Variants in EXOC4 observed in about 807,000 individuals in gnomAD.
The protein encoded by EXOC4 is exocyst complex component 4, also known as SEC8-like 1.
Under a neutral mutation model 107.2 loss-of-function variants are expected in EXOC4, and 71 were observed. The ratio of observed to expected loss-of-function variants is 0.66; its 90% CI spans 0.55 to 0.81. The LOEUF (loss-of-function observed/expected upper bound fraction) is 0.81, where lower values mean the gene tolerates loss of function less well. Ranked by LOEUF, EXOC4 falls within the 30% of genes least tolerant of loss-of-function variation. EXOC4 has a pLI of 0.00. For synonymous variants in EXOC4, 456 were observed against 441.2 expected (o/e 1.03, Z -0.42); for missense variants, 1,108 against 1,189.6 (o/e 0.93, Z 1.01).
chr7:133,355,080 T>A (rs971445111), intron 5 of EXOC4, among the ~76,000 whole-genome samples: 3 of 152,172 alleles, frequency 2.0e-5, no homozygotes, highest in Admixed American at 6.6e-5. Context: ...TTATGGACTT[T>A]GTGTAGCAGT....
chr7:133,641,556 T>C (rs1290571744), intron 10 of EXOC4, among the ~76,000 whole-genome samples: 1 of 152,172 alleles, frequency 6.6e-6, no homozygotes, highest in East Asian at 1.9e-4. Flanking sequence ...AGCCACTTTG[T>C]TTTTGAAGTT....
intron 10 of EXOC4, among the ~76,000 whole-genome samples, chr7:133,709,028 A>G (rs977259439): frequency 6.6e-6 from 1 of 152,150 alleles, no homozygotes; most frequent in Non-Finnish European, 1.5e-5. Flanking sequence ...AGGCTTGGTT[A>G]TGTCTTCAAA....
At chr7:133,449,563 T>C (rs1798293021) in intron 7 of EXOC4, among the ~76,000 whole-genome samples, 1 of 152,208 alleles carries the variant, frequency 6.6e-6, no homozygotes, top group Non-Finnish European at 1.5e-5. Context: ...CATTTAGTGT[T>C]ACAGGAAGTA....
At chr7:134,036,799 A>G (rs1795400720) in intron 17 of EXOC4, among the ~76,000 whole-genome samples, 2 of 152,192 alleles carry the variant, frequency 1.3e-5, no homozygotes, top group Non-Finnish European at 2.9e-5. Context: ...TGGAAACAGA[A>G]TGCAAACTAG....
At chr7:133,319,406 T>C (rs1427906351) in intron 5 of EXOC4, among the ~76,000 whole-genome samples, 1 of 152,230 alleles carries the variant, frequency 6.6e-6, no homozygotes, top group African/African-American at 2.4e-5. Flanking sequence ...TATTAGGAAT[T>C]ACTGTTGAAG....
the EXOC4 span, among the ~76,000 whole-genome samples, chr7:134,081,043 A>T: frequency 6.6e-6 from 1 of 151,978 alleles, no homozygotes; most frequent in African/African-American, 2.4e-5. Context: ...TTGACCACCT[A>T]TTTAAAACAG....
chr7:133,908,078 T>G (rs993731681), intron 12 of EXOC4, among the ~76,000 whole-genome samples: 5 of 152,206 alleles, frequency 3.3e-5, no homozygotes, highest in African/African-American at 1.2e-4. Flanking sequence ...ACCTAACCAG[T>G]TGTCCTACAA....
chr7:133,270,990 C>G (rs1793856186), intron 1 of EXOC4, among the ~76,000 whole-genome samples: 1 of 150,068 alleles, frequency 6.7e-6, no homozygotes, highest in Non-Finnish European at 1.5e-5. Flanking sequence ...ACGATCTCGG[C>G]TCACTGCAAC....
chr7:133,859,096 T>C (rs866018773), intron 11 of EXOC4, among the ~76,000 whole-genome samples: 2 of 152,178 alleles, frequency 1.3e-5, no homozygotes, highest in Non-Finnish European at 2.9e-5. Context: ...CTCTTTTCGG[T>C]TGAGTTAAAT....
At chr7:133,914,214 C>T (rs1563055204) in intron 12 of EXOC4, among the ~76,000 whole-genome samples, 1 of 151,762 alleles carries the variant, frequency 6.6e-6, no homozygotes, top group Non-Finnish European at 1.5e-5. Flanking sequence ...AAAATTATAA[C>T]TTTAAAAATA....
intron 10 of EXOC4, among the ~76,000 whole-genome samples, chr7:133,676,749 T>C (rs1438236346): frequency 1.3e-5 from 2 of 152,188 alleles, no homozygotes; most frequent in Non-Finnish European, 2.9e-5. Context: ...GGTATCTAAC[T>C]GTGTATACCC....
At chr7:133,950,575 A>C (rs1800667007) in intron 14 of EXOC4, among the ~76,000 whole-genome samples, 1 of 152,222 alleles carries the variant, frequency 6.6e-6, no homozygotes, top group Non-Finnish European at 1.5e-5. Context: ...GGAAGTATAG[A>C]ACTTCGTTCA....
rs1489588861 is a variant in EXOC4, at chr7:133,289,093, T to C, written c.448T>C (p.Tyr150His). ...KLEQCMASKHYLSATDMLVSA... is the reference protein window; with the variant it reads ...KLEQCMASKHHLSATDMLVSA... Reference sequence around the variant, plus strand: ...GGAACAGTGCATGGCCAGCAAGCACTATCTCAGTGCCACTGACATGTTGGT... The same window carrying C: ...GGAACAGTGCATGGCCAGCAAGCACCATCTCAGTGCCACTGACATGTTGGT... Residue 150 changes from tyrosine to histidine, a missense_variant, in exon 3 of 18, where the codon TAT becomes CAT. By Grantham distance (83) the Tyr-to-His change is moderately conservative. Transcript: ENST00000253861. 3.1e-6 allele frequency: 5 copies of C among 1,614,118 alleles called. No homozygotes were observed. The South Asian group carries it at 5.5e-5, about 18-fold the overall frequency.
At chr7:133,630,455 C>T (rs2151015249) in intron 10 of EXOC4, among the ~76,000 whole-genome samples, 1 of 152,092 alleles carries the variant, frequency 6.6e-6, no homozygotes, top group Admixed American at 6.6e-5. Flanking sequence ...TTGGAAACTG[C>T]TTACTGGAGA....
intron 9 of EXOC4, among the ~76,000 whole-genome samples, chr7:133,582,435 G>A (rs900336284): frequency 2.6e-5 from 4 of 152,172 alleles, no homozygotes; most frequent in Admixed American, 6.5e-5. Flanking sequence ...TTGTTAAAGT[G>A]TCCTTATAGA....
intron 1 of EXOC4, among the ~76,000 whole-genome samples, chr7:133,271,625 C>T (rs1173402419): frequency 1.3e-5 from 2 of 152,182 alleles, no homozygotes; most frequent in African/African-American, 2.4e-5. Context: ...TTTCGGAGCT[C>T]GGAGTTCTTC....
At chr7:134,008,395 A>G (rs946976510) in intron 17 of EXOC4, among the ~76,000 whole-genome samples, 3 of 152,316 alleles carry the variant, frequency 2.0e-5, no homozygotes, top group African/African-American at 7.2e-5. Context: ...GTTACTTTTA[A>G]TGATGCCTGA....
intron 11 of EXOC4, among the ~76,000 whole-genome samples, chr7:133,873,413 C>T (rs1798789068): frequency 6.6e-6 from 1 of 152,180 alleles, no homozygotes; most frequent in South Asian, 2.1e-4. Context: ...AAAGCCTGTT[C>T]ACTTACCTGG....
chr7:133,740,939 C>T (rs1216583834), intron 10 of EXOC4, among the ~76,000 whole-genome samples: 1 of 152,140 alleles, frequency 6.6e-6, no homozygotes, highest in Non-Finnish European at 1.5e-5. Flanking sequence ...TGGTTTCTGT[C>T]TGTTACAGTG....
Sources: allele counts gnomAD v4.1 joint callset (sites outside exome capture counted in the v4.1 genomes callset), GRCh38; gene constraint gnomAD v4.1.1; transcripts MANE v1.5; gene names NCBI Gene and HGNC (gene_info 2026-07-23, HGNC 2026-07-21).